COL19A1: variants seen among roughly 807,000 people sequenced by gnomAD.
COL19A1 encodes the protein collagen alpha-1(XIX) chain.
A neutral mutation model predicts 190.2 loss-of-function variants in COL19A1; 159 were observed. The observed-to-expected ratio is 0.84, with a 90% CI of 0.73 to 0.95. The LOEUF is 0.95. Among genes scored for constraint, COL19A1 ranks in the 40% least tolerant of loss-of-function variants. The pLI is 0.00. For synonymous variants in COL19A1, 509 were observed against 458.9 expected, an observed-to-expected ratio of 1.11 and a Z score of -1.39; for missense variants, 1,418 against 1,431.9, an observed-to-expected ratio of 0.99 and a Z score of 0.16.
rs149264705 is a variant in COL19A1, at chr6:70,151,573, T to C, written c.2079+135T>C. On this transcript the variant is annotated intron_variant, in intron 31 of 50. Coordinates refer to ENST00000620364, the MANE Select transcript of COL19A1 (RefSeq NM_001858.6). ...TTTAAATGGCAGGACATCTTTAAGA[T>C]AGGAAAATAAACATGTATCTTATAT... The C allele has an allele frequency of 1.1e-3, 850 of 748,770 alleles. 8 individuals carry two copies. In the African/African-American group the frequency reaches 0.013, roughly 12 times the overall value. 46.4% of individuals were successfully genotyped at this position (748,770 alleles called of 1,614,324 possible).
intron 9 of COL19A1, among the ~76,000 whole-genome samples, chr6:69,949,928 A>G (rs1774028924): frequency 6.6e-6 from 1 of 151,876 alleles, no homozygotes; most frequent in African/African-American, 2.4e-5. Flanking sequence ...CTCAGGTCTA[A>G]TATTCTCAAA....
intron 4 of COL19A1, among the ~76,000 whole-genome samples, chr6:69,922,763 G>A (rs1172422410): frequency 6.6e-6 from 1 of 152,090 alleles, no homozygotes; most frequent in African/African-American, 2.4e-5. Context: ...TTACTGGTGT[G>A]AGCCACCACA....
chr6:69,969,115 C>T (rs1441310650), intron 11 of COL19A1, among the ~76,000 whole-genome samples: 1 of 151,980 alleles, frequency 6.6e-6, no homozygotes, highest in Non-Finnish European at 1.5e-5. Context: ...TAAATGAGTG[C>T]CGGTGAATAA....
intron 14 of COL19A1, among the ~76,000 whole-genome samples, chr6:70,049,765 T>C (rs1780100622): frequency 6.6e-6 from 1 of 151,662 alleles, no homozygotes; most frequent in Admixed American, 6.6e-5. Flanking sequence ...AATTAAAATG[T>C]ATTTTAAATG....
At chr6:69,891,203 C>CAAA (rs776456756) in intron 2 of COL19A1, 105 of 105,206 alleles carry the variant, frequency 1.0e-3, no homozygotes, top group East Asian at 2.6e-3. Flanking sequence ...ACCCAGCTAG[C>CAAA]AAAAAAAAAA....
chr6:70,197,200 C>G, intron 48 of COL19A1, among the ~76,000 whole-genome samples: 1 of 151,674 alleles, frequency 6.6e-6, no homozygotes. Flanking sequence ...GTGGGTGGAT[C>G]ACGAGGTCAG....
At chr6:70,068,876 A>G (rs540649457) in intron 15 of COL19A1, among the ~76,000 whole-genome samples, 1 of 152,218 alleles carries the variant, frequency 6.6e-6, no homozygotes, top group East Asian at 1.9e-4. Context: ...GGCTTTTCAT[A>G]ACTCTCCTTT....
Position 70,138,842 on chromosome 6 carries a change from T to C in COL19A1, c.1446+1095T>C, listed in dbSNP as rs373949021. Among the ~76,000 whole-genome samples, 50 of 152,178 alleles carry C rather than the reference T, an allele frequency of 3.3e-4. No homozygotes were observed. In the East Asian group the frequency reaches 3.7e-3, roughly 11 times the overall value. On this transcript the variant is annotated intron_variant, in intron 19 of 50. Transcript: ENST00000620364. The stretch of plus-strand genomic sequence containing the variant: ...GATTTGGCAGTCTTTAATGAGGTTC[T>C]CCAACTGAGTATTTGCAATAATGTC...
chr6:69,887,536 C>T (rs146121966), intron 2 of COL19A1, among the ~76,000 whole-genome samples: 3 of 152,300 alleles, frequency 2.0e-5, no homozygotes, highest in Admixed American at 6.5e-5. Context: ...AACCCAGAAG[C>T]CTTCTGTGTA....
intron 22 of COL19A1, 69 bp downstream of exon 22, chr6:70,142,145 G>A (rs1448607475): frequency 1.4e-6 from 2 of 1,399,394 alleles, no homozygotes; most frequent in South Asian, 1.2e-5. Flanking sequence ...TGTAAAACAT[G>A]GTGCTTTGGT....
rs530558636 is a variant in COL19A1 at position 70,037,135 on chromosome 6, T to G, written c.1170+1196T>G. 1.5e-3 allele frequency among the ~76,000 whole-genome samples: 221 copies of G among 152,152 alleles called. 2 individuals carry two copies. The highest frequency in any genetic ancestry group is 2.8e-3 in the Non-Finnish European group (188 of 67,972). ...AGGTTTTAAGTGCATATTATTCAGT[T>G]TTTTATACTTTGTAGAATTTTATTT... On this transcript the variant is annotated intron_variant, in intron 14 of 50. Transcript: ENST00000620364.
intron 48 of COL19A1, among the ~76,000 whole-genome samples, chr6:70,198,840 T>C (rs368583144): frequency 6.6e-5 from 10 of 152,242 alleles, no homozygotes; most frequent in African/African-American, 2.4e-4. Context: ...GCTCAGGATC[T>C]CTAATGAAGT....
At chr6:70,139,924 C>CTT (rs56675325) in intron 19 of COL19A1, among the ~76,000 whole-genome samples, 24 of 143,898 alleles carry the variant, frequency 1.7e-4, no homozygotes, top group African/African-American at 2.8e-4. Flanking sequence ...GGGTTTTTCT[C>CTT]TTTTTTTTTT....
intron 11 of COL19A1, among the ~76,000 whole-genome samples, chr6:70,001,130 T>C (rs1777237455): frequency 6.6e-6 from 1 of 152,240 alleles, no homozygotes; most frequent in South Asian, 2.1e-4. Context: ...TAGGAGATTC[T>C]TTCCCCATTA....
intron 14 of COL19A1, among the ~76,000 whole-genome samples, chr6:70,064,526 A>T (rs1781054895): frequency 6.6e-6 from 1 of 152,174 alleles, no homozygotes; most frequent in South Asian, 2.1e-4. Context: ...CAAAAACTGG[A>T]AGCATTCCCT....
intron 5 of COL19A1, among the ~76,000 whole-genome samples, chr6:69,928,393 T>C (rs1365377356): frequency 6.6e-6 from 1 of 152,168 alleles, no homozygotes; most frequent in East Asian, 1.9e-4. Context: ...ATATTATTTT[T>C]AAAGCAGTTT....
At chr6:70,106,338 G>A (rs550992513) in intron 16 of COL19A1, among the ~76,000 whole-genome samples, 2 of 151,896 alleles carry the variant, frequency 1.3e-5, no homozygotes, top group Non-Finnish European at 2.9e-5. Context: ...GCGTGTGTGT[G>A]TGTGTGTGTG....
At chr6:70,165,405 T>C (rs1167250534) in intron 36 of COL19A1, among the ~76,000 whole-genome samples, 2 of 152,178 alleles carry the variant, frequency 1.3e-5, no homozygotes, top group Non-Finnish European at 2.9e-5. Context: ...GTGTCTGACT[T>C]GGGTGTAAAG....
intron 11 of COL19A1, among the ~76,000 whole-genome samples, chr6:69,992,676 G>A (rs565836052): frequency 6.6e-6 from 1 of 151,962 alleles, no homozygotes; most frequent in East Asian, 1.9e-4. Flanking sequence ...TCACTTCCCT[G>A]GTTGGCCCTA....
Sources: gnomAD v4.1 joint callset for allele counts (sites outside exome capture counted in the v4.1 genomes callset) on GRCh38, gnomAD v4.1.1 for gene constraint, MANE v1.5 for transcripts, NCBI Gene and HGNC (gene_info 2026-07-23, HGNC 2026-07-21) for gene names.